NMNAT2: variants seen among roughly 807,000 people sequenced by gnomAD.
The protein encoded by NMNAT2 is nicotinamide/nicotinic acid mononucleotide adenylyltransferase 2.
A neutral mutation model predicts 41.6 loss-of-function variants in NMNAT2; 11 were observed. The observed-to-expected ratio is 0.26, with a 90% CI of 0.17 to 0.44. The LOEUF is 0.44. NMNAT2 is among the 20% of genes least tolerant of loss of function. The pLI is 1.00. For synonymous variants in NMNAT2, 148 were observed against 151.2 expected (o/e 0.98, Z 0.16); for missense variants, 288 against 407.7 (o/e 0.71, Z 2.53).
intron 4 of NMNAT2, among the ~76,000 whole-genome samples, chr1:183,288,827 C>G (rs1409998742): frequency 6.6e-6 from 1 of 152,240 alleles, no homozygotes; most frequent in Non-Finnish European, 1.5e-5. Context: ...TCTTTTATTA[C>G]TGCTATTGTG....
intron 1 of NMNAT2, among the ~76,000 whole-genome samples, chr1:183,402,281 C>T (rs1648833444): frequency 6.6e-6 from 1 of 152,182 alleles, no homozygotes; most frequent in Admixed American, 6.5e-5. Context: ...CTGAACCTAA[C>T]TCAGACTCAG....
At chr1:183,366,755 G>A (rs538932749) in intron 1 of NMNAT2, among the ~76,000 whole-genome samples, 32 of 152,254 alleles carry the variant, frequency 2.1e-4, no homozygotes, top group African/African-American at 7.2e-4. Flanking sequence ...ATGCTAAGAT[G>A]AGCAATCTGG....
At chr1:183,259,559 T>G (rs1660604007) in intron 10 of NMNAT2, among the ~76,000 whole-genome samples, 1 of 152,196 alleles carries the variant, frequency 6.6e-6, no homozygotes, top group Non-Finnish European at 1.5e-5. Flanking sequence ...CCCCATAGTC[T>G]TCTCTTCTTG....
intron 1 of NMNAT2, among the ~76,000 whole-genome samples, chr1:183,358,787 T>C (rs1295505292): frequency 1.3e-5 from 2 of 152,240 alleles, no homozygotes; most frequent in Non-Finnish European, 2.9e-5. Flanking sequence ...CCTCTTTTTC[T>C]GCCTTCCCAC....
chr1:183,253,836 T>C (rs1234619120), intron 10 of NMNAT2, among the ~76,000 whole-genome samples: 1 of 152,188 alleles, frequency 6.6e-6, no homozygotes, highest in Non-Finnish European at 1.5e-5. Context: ...GCAGAATGTC[T>C]TCCAGGTCTA....
chr1:183,316,881 G>A (rs576092832), intron 1 of NMNAT2, among the ~76,000 whole-genome samples: 4 of 152,198 alleles, frequency 2.6e-5, no homozygotes, highest in Admixed American at 2.6e-4. Flanking sequence ...GTTTTCCTCC[G>A]GTCCTGCATT....
chr1:183,397,271 C>T (rs980874481), intron 1 of NMNAT2, among the ~76,000 whole-genome samples: 1 of 152,112 alleles, frequency 6.6e-6, no homozygotes, highest in Non-Finnish European at 1.5e-5. Context: ...CCTCTCCTAT[C>T]CCACTGGTAT....
intron 1 of NMNAT2, among the ~76,000 whole-genome samples, chr1:183,376,196 T>C (rs1663675178): frequency 2.0e-5 from 3 of 152,204 alleles, no homozygotes; most frequent in Non-Finnish European, 4.4e-5. Flanking sequence ...AATAAATTAA[T>C]GGTATTAATA....
intron 1 of NMNAT2, among the ~76,000 whole-genome samples, chr1:183,415,748 C>T (rs926923362): frequency 1.3e-5 from 2 of 152,172 alleles, no homozygotes; most frequent in African/African-American, 4.8e-5. Context: ...AACTGCTCTA[C>T]AAAAATAAAT....
At chr1:183,262,404 G>A (rs949497622) in intron 8 of NMNAT2, among the ~76,000 whole-genome samples, 5 of 151,394 alleles carry the variant, frequency 3.3e-5, no homozygotes, top group African/African-American at 1.2e-4. Context: ...CTGCAAATAG[G>A]TGTATATATC....
intron 1 of NMNAT2, among the ~76,000 whole-genome samples, chr1:183,399,606 A>C (rs1412351009): frequency 6.6e-6 from 1 of 151,844 alleles, no homozygotes; most frequent in African/African-American, 2.4e-5. Flanking sequence ...GAGACACAAT[A>C]AAAAAAAGAG....
chr1:183,399,141 T>A (rs1280509268), intron 1 of NMNAT2, among the ~76,000 whole-genome samples: 1 of 150,922 alleles, frequency 6.6e-6, no homozygotes, highest in Non-Finnish European at 1.5e-5. Flanking sequence ...TTTGAAAAGA[T>A]CAACAAAATT....
intron 1 of NMNAT2, among the ~76,000 whole-genome samples, chr1:183,416,962 G>A (rs529674038): frequency 4.1e-4 from 63 of 152,236 alleles, no homozygotes; most frequent in African/African-American, 1.4e-3. Flanking sequence ...GCGCCTTGCT[G>A]GCGGGCCAGG....
chr1:183,368,031 C>T (rs1161168603), intron 1 of NMNAT2, among the ~76,000 whole-genome samples: 1 of 152,164 alleles, frequency 6.6e-6, no homozygotes, highest in African/African-American at 2.4e-5. Flanking sequence ...TGTATGTCTG[C>T]TGAATGTGAT....
intron 1 of NMNAT2, among the ~76,000 whole-genome samples, chr1:183,369,372 G>T (rs1318266311): frequency 1.3e-5 from 2 of 151,464 alleles, no homozygotes; most frequent in Admixed American, 1.3e-4. Context: ...CACCTCCTGG[G>T]TTCAAGCGAT....
rs538316792 is a variant in NMNAT2, at chr1:183,273,805, C to T, written c.651+4748G>A. Among the ~76,000 whole-genome samples, 244 of 146,760 alleles carry T rather than the reference C, an allele frequency of 1.7e-3. 1 individual carries two copies. The highest frequency in any genetic ancestry group is 5.8e-3 in the African/African-American group (230 of 39,428). On this transcript the variant is annotated intron_variant, in intron 8 of 10. Transcript: ENST00000287713. ...TTTCTTTCTTCCTCTCTCTCTTTCTCTCTTTCTTTCCTTTCTTTTCCCTCC... is the reference window on the plus strand; with the variant it reads ...TTTCTTTCTTCCTCTCTCTCTTTCTTTCTTTCTTTCCTTTCTTTTCCCTCC...
chr1:183,382,152 G>A (rs1178056674), intron 1 of NMNAT2, among the ~76,000 whole-genome samples: 1 of 152,250 alleles, frequency 6.6e-6, no homozygotes, highest in Non-Finnish European at 1.5e-5. Flanking sequence ...GAAGGTGAGA[G>A]GAAAGCAGGC....
At chr1:183,322,328 G>T (rs623902) in intron 1 of NMNAT2, among the ~76,000 whole-genome samples, 1 of 152,184 alleles carries the variant, frequency 6.6e-6, no homozygotes, top group Admixed American at 6.5e-5. Flanking sequence ...ATACGTTCAG[G>T]TGTGTATGGT....
chr1:183,407,594 A>G (rs1648994345), intron 1 of NMNAT2, among the ~76,000 whole-genome samples: 1 of 152,214 alleles, frequency 6.6e-6, no homozygotes, highest in Admixed American at 6.5e-5. Context: ...ACAAAAAACC[A>G]TATGACCTTG....
Sources: gnomAD v4.1 joint callset for allele counts (sites outside exome capture counted in the v4.1 genomes callset) on GRCh38, gnomAD v4.1.1 for gene constraint, MANE v1.5 for transcripts, NCBI Gene and HGNC (gene_info 2026-07-23, HGNC 2026-07-21) for gene names.